COL27A1: variants seen among roughly 807,000 people sequenced by gnomAD.
COL27A1 encodes the protein collagen type XXVII alpha 1 chain, also known as collagen alpha-1(XXVII) chain.
Under a neutral mutation model 251.3 loss-of-function variants are expected in COL27A1, and 106 were observed. The observed-to-expected ratio is 0.42, with a 90% CI of 0.36 to 0.50. The LOEUF (loss-of-function observed/expected upper bound fraction) is 0.50. COL27A1 is among the 20% of genes least tolerant of loss of function. COL27A1 has a pLI of 0.00. For missense variants in COL27A1, 2,325 were observed against 2,522.8 expected (o/e 0.92, Z 1.68); for synonymous variants, 1,000 against 986.3 (o/e 1.01, Z -0.26).
At chr9:114,205,434 A>T (rs1419765820) in intron 8 of COL27A1, among the ~76,000 whole-genome samples, 2 of 152,240 alleles carry the variant, frequency 1.3e-5, no homozygotes, top group African/African-American at 4.8e-5. Flanking sequence ...GTTAGGGGAT[A>T]TTATACTCAC....
intron 10 of COL27A1, among the ~76,000 whole-genome samples, chr9:114,208,071 T>C (rs140603268): frequency 6.6e-6 from 1 of 152,114 alleles, no homozygotes; most frequent in Non-Finnish European, 1.5e-5. Context: ...ACATTTCAGC[T>C]GTTTGGTCCT....
intron 49 of COL27A1, among the ~76,000 whole-genome samples, chr9:114,292,635 C>A (rs555558108): frequency 6.6e-6 from 1 of 152,328 alleles, no homozygotes; most frequent in African/African-American, 2.4e-5. Flanking sequence ...AGTTTCAATA[C>A]CCCAATTAAA....
rs749623107 is a variant in COL27A1 at position 114,266,611 on chromosome 9, G to C, written c.3440G>C (p.Gly1147Ala). 1 of 1,613,638 alleles carries C rather than the reference G, an allele frequency of 6.2e-7. No homozygotes were observed. The highest frequency in any genetic ancestry group is 8.5e-7 in the Non-Finnish European group (1 of 1,179,610). The change falls in exon 33 of 61, where the codon GGA becomes GCA. Residue 1147 changes from glycine (G) to alanine (A), a missense_variant. By Grantham distance (60) the Gly-to-Ala change is moderately conservative (BLOSUM62 0). Around this residue, in one of 4 missense-constraint regions of COL27A1, gnomAD observed 662 missense variants for 795.3 expected, o/e 0.83. Transcript: ENST00000356083. ...CCAATTGGGCCTCCAGGAGAGATGG[G>C]ACCCAAGGTGAGTGTGAGAGACCCT... is the stretch of plus-strand genomic sequence containing the variant. ...QGPIGPPGEM[G>A]PKGPPGAVGE...
At chr9:114,258,961 G>C (rs374217584) in intron 28 of COL27A1, among the ~76,000 whole-genome samples, 26 of 152,340 alleles carry the variant, frequency 1.7e-4, no homozygotes, top group African/African-American at 5.5e-4. Context: ...CTGCCCTTGT[G>C]AGCCAGTCAA....
At chr9:114,243,924 CATTTTTTT>C (rs1832937214) in intron 23 of COL27A1, among the ~76,000 whole-genome samples, 7 of 138,082 alleles carry the variant, frequency 5.1e-5, no homozygotes, top group African/African-American at 1.7e-4. Flanking sequence ...TTTTTTCTTT[CATTTTTTT>C]TTTTTTTTTT....
chr9:114,211,370 G>C (rs2135339116), intron 12 of COL27A1, among the ~76,000 whole-genome samples: 1 of 152,342 alleles, frequency 6.6e-6, no homozygotes, highest in African/African-American at 2.4e-5. Context: ...GGCTAGACCA[G>C]GTGACTCTGC....
chr9:114,186,142 C>T (rs892377303), intron 5 of COL27A1, among the ~76,000 whole-genome samples: 1 of 152,250 alleles, frequency 6.6e-6, no homozygotes, highest in African/African-American at 2.4e-5. Context: ...GGCCACACCC[C>T]ATCTTCCTCC....
chr9:114,275,842 G>T, intron 37 of COL27A1, 74 bp downstream of exon 37: 1 of 974,690 alleles, frequency 1.0e-6, no homozygotes. Context: ...CAGGCGGCTG[G>T]GCGGGAGGGC....
chr9:114,298,685 T>C (rs1828411800), intron 49 of COL27A1, among the ~76,000 whole-genome samples: 2 of 152,186 alleles, frequency 1.3e-5, no homozygotes, highest in African/African-American at 4.8e-5. Flanking sequence ...AGGCTAAAAC[T>C]GTACAACTGT....
chr9:114,157,987 TGA>T (rs1183286016), intron 1 of COL27A1, among the ~76,000 whole-genome samples: 2 of 152,164 alleles, frequency 1.3e-5, no homozygotes, highest in Non-Finnish European at 2.9e-5. Flanking sequence ...AATGGGTGTG[TGA>T]GTCAATGGGA....
intron 1 of COL27A1, among the ~76,000 whole-genome samples, chr9:114,160,660 A>T (rs980016083): frequency 7.1e-6 from 1 of 141,602 alleles, no homozygotes; most frequent in Non-Finnish European, 1.5e-5. Flanking sequence ...CAACACTGTG[A>T]GACTCTGTCT....
In COL27A1 at chr9:114,240,484, C is replaced by G. The variant is rs146710122; in HGVS notation, c.2832C>G (p.Pro944=). The change falls in exon 21 of 61, where the codon CCC becomes CCG. Residue 944 remains proline (P), a synonymous_variant. Transcript: ENST00000356083. Reference sequence around the variant, plus strand: ...CGGGACCCCGTGGGCAGCTGGGGCCCGAGGTGAGACTGTCTGGCCCCCTCC... The same window carrying G: ...CGGGACCCCGTGGGCAGCTGGGGCCGGAGGTGAGACTGTCTGGCCCCCTCC... ...GLPGPRGQLG[P]EGDEGPMGPP... 5.6e-6 allele frequency: 9 copies of G among 1,609,970 alleles called. No individual in the cohort carries two copies. The highest frequency in any genetic ancestry group is 5.9e-6 in the Non-Finnish European group (7 of 1,179,626).
chr9:114,265,531 G>A lies in COL27A1; in HGVS notation c.3393+56G>A. ...CTTTGCCGCTGGCACCTGGGGGTGT[G>A]GGCCAGGTGGTCAGATAAGGAGAAG... On this transcript the variant is annotated intron_variant, in intron 32 of 60. Transcript: ENST00000356083. 5 of 1,549,300 alleles carry A rather than the reference G, an allele frequency of 3.2e-6. No homozygotes were observed. In the South Asian group the frequency reaches 4.5e-5, roughly 14 times the overall value.
At position 114,250,658 on chromosome 9, in the gene COL27A1, T is replaced by G; in HGVS notation, c.3023T>G (p.Val1008Gly). 1 of 1,611,860 alleles carries G rather than the reference T, an allele frequency of 6.2e-7. No homozygotes were observed. The highest frequency in any genetic ancestry group is 1.1e-5 in the South Asian group (1 of 91,068). Residue 1008 changes from valine to glycine, a missense_variant, in exon 25 of 61, where the codon GTG becomes GGG. By Grantham distance (109) the Val-to-Gly change is moderately radical (BLOSUM62 -3). Transcript: ENST00000356083. ...GGTCTGGTCGGGGAGCCAGGAATCG[T>G]GGGAGAAAAGGTAAGTGGTGTTGAG... ...FIGLVGEPGI[V>G]GEKGDRGMMG...
intron 1 of COL27A1, among the ~76,000 whole-genome samples, chr9:114,159,711 C>A (rs1294248550): frequency 6.6e-6 from 1 of 152,162 alleles, no homozygotes; most frequent in Non-Finnish European, 1.5e-5. Flanking sequence ...CAGCTCTTCC[C>A]TAATGTATCT....
At chr9:114,235,552 A>T in intron 16 of COL27A1, 47 bp from the exon 17 acceptor site, 1 of 1,505,860 alleles carries the variant, frequency 6.6e-7, no homozygotes. Context: ...AGGCTTCCAG[A>T]ACCCACGTGG....
At chr9:114,186,497 C>T (rs1309303585) in intron 5 of COL27A1, among the ~76,000 whole-genome samples, 7 of 152,152 alleles carry the variant, frequency 4.6e-5, no homozygotes, top group African/African-American at 1.2e-4. Context: ...GTCTCTAGGG[C>T]TCCATGTGAG....
chr9:114,236,262 C>T (rs905767874), intron 17 of COL27A1, among the ~76,000 whole-genome samples: 12 of 152,186 alleles, frequency 7.9e-5, no homozygotes, highest in Non-Finnish European at 1.5e-4. Flanking sequence ...CCACCTTTCT[C>T]CTCTGATTTT....
rs183475885 is a variant in COL27A1 at position 114,168,585 on chromosome 9, T to A, written c.1030T>A (p.Ser344Thr). ...DPMLPASVGG[S>T]TRTPRPAAAQ... ...CATGCTCCCAGCCTCTGTTGGCGGC[T>A]CTACCAGAACGCCTCGCCCTGCGGC... The change falls in exon 3 of 61, where the codon TCT becomes ACT. Residue 344 changes from serine (S) to threonine (T), a missense_variant. Coordinates refer to ENST00000356083, the MANE Select transcript of COL27A1 (RefSeq NM_032888.4). 3.5e-5 allele frequency: 56 copies of A among 1,613,966 alleles called. No individual in the cohort carries two copies. In the East Asian group the frequency reaches 1.2e-3, roughly 34 times the overall value.
Sources: gnomAD v4.1 joint callset for allele counts (sites outside exome capture counted in the v4.1 genomes callset) on GRCh38, gnomAD v4.1.1 for gene constraint, gnomAD v4.1.1 regional missense constraint, MANE v1.5 for transcripts, NCBI Gene and HGNC (gene_info 2026-07-23, HGNC 2026-07-21) for gene names.